Variants in IARS1 observed in about 807,000 individuals in gnomAD.
IARS1 encodes the protein isoleucine--tRNA ligase, cytoplasmic.
Under a neutral mutation model 168.2 loss-of-function variants are expected in IARS1, and 124 were observed. The ratio of observed to expected loss-of-function variants is 0.74; its 90% confidence interval spans 0.64 to 0.86. IARS1 has a LOEUF of 0.86. Among genes scored for constraint, IARS1 ranks in the 40% least tolerant of loss-of-function variants. IARS1 has a pLI of 0.00. For synonymous variants in IARS1, 532 were observed against 529.4 expected, an observed-to-expected ratio of 1.00 and a Z score of -0.07; for missense variants, 1,452 against 1,515.8, an observed-to-expected ratio of 0.96 and a Z score of 0.70.
At chr9:92,263,182 T>A (rs1278207308) in intron 16 of IARS1, 127 bp from the exon 17 acceptor site, 4 of 657,118 alleles carry the variant, frequency 6.1e-6, no homozygotes, top group Non-Finnish European at 8.0e-6. Context: ...CTTAAAGCAA[T>A]GATTCTTAAT....
chr9:92,288,125 C>T lies in IARS1; in HGVS notation c.276+1G>A, dbSNP rs748349854. The T allele has an allele frequency of 8.1e-6, 13 of 1,612,250 alleles. No individual in the cohort carries two copies. Among genetic ancestry groups the T allele is most frequent in the Non-Finnish European group, 1.1e-5 (13 of 1,179,378 alleles). ...TTATAAAGCTGGATACTCAAACATA[C>T]CACAGGTAAGCCATGGCAATCCCAT... is the stretch of plus-strand genomic sequence containing the variant. On this transcript the variant is annotated splice_donor_variant, in intron 3 of 33. Transcript: ENST00000443024. LOFTEE classifies it high-confidence loss of function.
intron 22 of IARS1, 90 bp downstream of exon 22, chr9:92,251,718 G>GA: frequency 1.2e-6 from 1 of 854,120 alleles, no homozygotes; most frequent in Non-Finnish European, 2.0e-6. Flanking sequence ...GAATAATACA[G>GA]AATGGATATA....
intron 19 of IARS1, among the ~76,000 whole-genome samples, chr9:92,257,587 G>A (rs1182121539): frequency 6.6e-6 from 1 of 152,192 alleles, no homozygotes; most frequent in Non-Finnish European, 1.5e-5. Flanking sequence ...GCCTGGGGAA[G>A]ATGACTGCCC....
At chr9:92,269,046 C>T (rs760314059) in intron 13 of IARS1, among the ~76,000 whole-genome samples, 7 of 152,086 alleles carry the variant, frequency 4.6e-5, no homozygotes, top group South Asian at 4.1e-4. Context: ...GCCTGCACCC[C>T]CTCGAGGCTA....
intron 23 of IARS1, 111 bp downstream of exon 23, chr9:92,250,602 G>A: frequency 2.4e-6 from 3 of 1,244,286 alleles, no homozygotes; most frequent in Non-Finnish European, 3.3e-6. Flanking sequence ...GCTGGGGCGG[G>A]AGGCAAGGCA....
At position 92,229,054 on chromosome 9, in the gene IARS1, G is replaced by A; in HGVS notation, c.3356C>T (p.Thr1119Ile). ...LDLLKLKSVV[T>I]SIFGVKNTEL... ...TGTATTTTTCACACCAAAAATGCTA[G>A]TGACAACACTCTTCAGCTTTAAAAG... The change falls in exon 31 of 34, where the codon ACT becomes ATT. Residue 1119 changes from threonine to isoleucine, a missense_variant. Thr to Ile is a moderately conservative substitution (Grantham distance 89). Transcript: ENST00000443024. 1 of 1,614,000 alleles carries A rather than the reference G, an allele frequency of 6.2e-7. No individual in the cohort carries two copies. Among genetic ancestry groups the A allele is most frequent in the Non-Finnish European group, 8.5e-7 (1 of 1,179,986 alleles).
rs1831743687 is a variant in IARS1, at chr9:92,262,967, A to T, written c.1787+2T>A. 6.2e-7 allele frequency: 1 copy of T among 1,612,224 alleles called. No individual in the cohort carries two copies. The highest frequency in any genetic ancestry group is 8.5e-7 in the Non-Finnish European group (1 of 1,178,302). On this transcript the variant is annotated splice_donor_variant, in intron 17 of 33. Transcript: ENST00000443024. LOFTEE classifies it high-confidence loss of function. ...CCCGTCACTACAACAAAGTTGACCT[A>T]CCTTGCCAGGACAAGCCCATTCACA... is the stretch of plus-strand genomic sequence containing the variant.
Position 92,247,483 on chromosome 9 carries a change from T to C in IARS1, c.2685A>G (p.Glu895=). The C allele has an allele frequency of 1.2e-6, 2 of 1,614,178 alleles. No individual in the cohort carries two copies. Among genetic ancestry groups the C allele is most frequent in the Non-Finnish European group, 1.7e-6 (2 of 1,180,022 alleles). ...KNKYGIRLRA[E]PDHMVLGKRL... is the part of the protein sequence containing the mutation. ...GCTTCCCCAGGACCATGTGATCTGG[T>C]TCTGCCCTTAGCCGAATGCCATACT... Residue 895 remains glutamate, a synonymous_variant, in exon 26 of 34, where the codon GAA becomes GAG. Coordinates refer to ENST00000443024, the MANE Select transcript of IARS1 (RefSeq NM_002161.6).
At position 92,289,411 on chromosome 9, in the gene IARS1, T is replaced by C. The variant is rs370146889; in HGVS notation, c.9A>G (p.Gln3=). ...GAAAATTTATGTTTTCTGGAACTTG[T>C]TGAAGCATTTTGTTGCTGCAAAAGA... is the stretch of plus-strand genomic sequence containing the variant. ML[Q]QVPENINFPA... The change falls in exon 2 of 34, where the codon CAA becomes CAG. Residue 3 remains glutamine (Q), a synonymous_variant. Transcript: ENST00000443024. 7 of 1,471,884 alleles carry C rather than the reference T, an allele frequency of 4.8e-6. No individual in the cohort carries two copies. The highest frequency in any genetic ancestry group is 2.8e-5 in the African/African-American group (2 of 71,904). The allele number at this position is 1,471,884 out of a possible 1,614,324, so 91.2% of individuals were successfully genotyped here.
chr9:92,262,031 T>C (rs899910839), intron 17 of IARS1, among the ~76,000 whole-genome samples: 1 of 149,434 alleles, frequency 6.7e-6, no homozygotes, highest in South Asian at 2.1e-4. Flanking sequence ...ATTACAAGCA[T>C]GAGCCATAGC....
At chr9:92,263,118 C>T (rs1831765861) in intron 16 of IARS1, 63 bp from the exon 17 acceptor site, 2 of 1,108,418 alleles carry the variant, frequency 1.8e-6, no homozygotes, top group Admixed American at 1.9e-5. Context: ...AAGAAAGAAA[C>T]TGTATTTATT....
chr9:92,225,671 T>C (rs1825565331), intron 31 of IARS1, among the ~76,000 whole-genome samples: 1 of 151,768 alleles, frequency 6.6e-6, no homozygotes, highest in African/African-American at 2.4e-5. Flanking sequence ...TGGGGTGAAC[T>C]ATGGTGGTTT....
chr9:92,230,901 ATGTC>A (rs1259211449), intron 30 of IARS1, among the ~76,000 whole-genome samples: 2 of 152,266 alleles, frequency 1.3e-5, no homozygotes, highest in Non-Finnish European at 2.9e-5. Flanking sequence ...CCTTTGGTAA[ATGTC>A]TGTTCATATC....
intron 14 of IARS1, among the ~76,000 whole-genome samples, chr9:92,267,341 C>T (rs1393487826): frequency 6.6e-6 from 1 of 152,176 alleles, no homozygotes; most frequent in African/African-American, 2.4e-5. Context: ...TGTTGCCTTT[C>T]AGGTCCCTAT....
At chr9:92,247,617 G>T in intron 25 of IARS1, 66 bp from the exon 26 acceptor site, 1 of 1,412,238 alleles carries the variant, frequency 7.1e-7, no homozygotes. Flanking sequence ...CAAAAATGTA[G>T]GTCCACAGCA....
intron 21 of IARS1, chr9:92,252,431 G>T (rs544673698): frequency 2.7e-5 from 14 of 510,478 alleles, no homozygotes; most frequent in South Asian, 2.0e-4. Context: ...GCACAAAAAT[G>T]AAATTACAGT....
At chr9:92,292,435 T>C (rs1046075860) in intron 1 of IARS1, 4 of 154,432 alleles carry the variant, frequency 2.6e-5, no homozygotes, top group Admixed American at 6.5e-5. Context: ...ACACTCAGTA[T>C]AACAGCATTG....
intron 31 of IARS1, among the ~76,000 whole-genome samples, chr9:92,223,728 T>C (rs1399243500): frequency 6.6e-6 from 1 of 152,216 alleles, no homozygotes; most frequent in African/African-American, 2.4e-5. Flanking sequence ...ATAGGGCTAA[T>C]TGTTTTCTCT....
At chr9:92,245,146 C>T in intron 26 of IARS1, 75 bp from the exon 27 acceptor site, 3 of 1,130,728 alleles carry the variant, frequency 2.7e-6, no homozygotes, top group East Asian at 2.4e-5. Context: ...GTATTATGCC[C>T]CTTCTTGATT....
Sources: gnomAD v4.1 joint callset for allele counts (sites outside exome capture counted in the v4.1 genomes callset) on GRCh38, gnomAD v4.1.1 for gene constraint, MANE v1.5 for transcripts, NCBI Gene and HGNC (gene_info 2026-07-23, HGNC 2026-07-21) for gene names.